PDZD2: variants seen among roughly 807,000 people sequenced by gnomAD.
PDZD2 encodes PDZ domain-containing protein 2.
Under a neutral mutation model 220.7 loss-of-function variants are expected in PDZD2, and 90 were observed. The observed-to-expected ratio is 0.41, with a 90% confidence interval of 0.34 to 0.49. PDZD2 has a LOEUF of 0.49. Among genes scored for constraint, PDZD2 ranks in the 20% least tolerant of loss-of-function variants. The pLI, the probability that PDZD2 is intolerant of heterozygous loss-of-function variation, is 0.28. For missense variants in PDZD2, 3,174 were observed against 3,608.5 expected, an observed-to-expected ratio of 0.88 and a Z score of 3.08; for synonymous variants, 1,375 against 1,450.5, an observed-to-expected ratio of 0.95 and a Z score of 1.18.
chr5:31,728,088 T>G (rs1749288705), intron 1 of PDZD2, among the ~76,000 whole-genome samples: 1 of 151,890 alleles, frequency 6.6e-6, no homozygotes, highest in Admixed American at 6.6e-5. Flanking sequence ...AGTCGAAAAT[T>G]TCTTCTCTGA....
At chr5:31,757,191 C>G (rs903946869) in intron 1 of PDZD2, among the ~76,000 whole-genome samples, 1 of 152,146 alleles carries the variant, frequency 6.6e-6, no homozygotes, top group African/African-American at 2.4e-5. Flanking sequence ...GAGGCCGAGA[C>G]AGGAGGATTG....
intron 18 of PDZD2, 80 bp downstream of exon 18, chr5:32,074,723 G>T (rs1741126398): frequency 1.1e-6 from 1 of 899,896 alleles, no homozygotes; most frequent in Non-Finnish European, 1.7e-6. Context: ...TGTAAAGCAT[G>T]GGTAAGCTGC....
Position 31,983,742 on chromosome 5 carries a change from C to G in PDZD2, c.978+86C>G, listed in dbSNP as rs543687942. ...TGCAGCCCAGCCCATGCGGGAAATA[C>G]AAGCTGGGCTCAGAACCAGAATTTT... On this transcript the variant is annotated intron_variant, in intron 3 of 24. Transcript: ENST00000438447. 1.0e-5 allele frequency: 14 copies of G among 1,340,362 alleles called. No homozygotes were observed. In the African/African-American group the frequency reaches 1.9e-4, roughly 18 times the overall value. The allele number at this position is 1,340,362 out of a possible 1,614,324, so 83.0% of individuals were successfully genotyped here. A position where few individuals can be genotyped will look rare whatever the true frequency, so the allele number is the denominator to read the frequency against.
chr5:31,845,602 G>A (rs983140398), intron 2 of PDZD2, among the ~76,000 whole-genome samples: 1 of 152,192 alleles, frequency 6.6e-6, no homozygotes, highest in African/African-American at 2.4e-5. Context: ...GCAGAGAAGT[G>A]GCAGGAAGTA....
At position 32,028,961 on chromosome 5, in the gene PDZD2, G is replaced by T. The variant is rs1262343101; in HGVS notation, c.1408-8270G>T. Among the ~76,000 whole-genome samples the T allele has an allele frequency of 2.0e-5, 3 of 152,264 alleles. No homozygotes were observed. In the East Asian group the frequency reaches 5.8e-4, roughly 29 times the overall value. On this transcript the variant is annotated intron_variant, in intron 6 of 24. Transcript: ENST00000438447. The stretch of plus-strand genomic sequence containing the variant: ...GCCTCCCAAATTGCTGGGATTGCAG[G>T]CGTGAGTCACCGCGCCCAGCCATTA...
intron 6 of PDZD2, among the ~76,000 whole-genome samples, chr5:32,035,679 T>A (rs182497708): frequency 6.6e-6 from 1 of 152,126 alleles, no homozygotes; most frequent in Admixed American, 6.5e-5. Flanking sequence ...CATTACCTGT[T>A]AATTTGAGGG....
At chr5:31,739,077 G>A (rs1750085684) in intron 1 of PDZD2, among the ~76,000 whole-genome samples, 1 of 152,032 alleles carries the variant, frequency 6.6e-6, no homozygotes, top group Non-Finnish European at 1.5e-5. Flanking sequence ...GTAGTGATGG[G>A]GTTTCACCAT....
chr5:32,032,163 G>C (rs963603255), intron 6 of PDZD2, among the ~76,000 whole-genome samples: 10 of 152,212 alleles, frequency 6.6e-5, no homozygotes, highest in Admixed American at 3.3e-4. Context: ...AGAGCAGGAA[G>C]AACTGGGAAG....
At chr5:31,817,733 G>A (rs1241483408) in intron 2 of PDZD2, among the ~76,000 whole-genome samples, 5 of 151,888 alleles carry the variant, frequency 3.3e-5, no homozygotes, top group African/African-American at 1.2e-4. Context: ...GTGCAATCTC[G>A]GCTCACTGCA....
At chr5:31,948,326 G>A (rs1020966047) in intron 2 of PDZD2, among the ~76,000 whole-genome samples, 96 of 152,274 alleles carry the variant, frequency 6.3e-4, no homozygotes, top group African/African-American at 2.1e-3. Context: ...TGCTGCTGCC[G>A]TAGATGGTGC....
At position 32,057,738 on chromosome 5, in the gene PDZD2, T is replaced by C; in HGVS notation, c.1974+10T>C. The C allele has an allele frequency of 2.0e-6, 3 of 1,534,618 alleles. No homozygotes were observed. The highest frequency in any genetic ancestry group is 2.7e-6 in the Non-Finnish European group (3 of 1,110,074). On this transcript the variant is annotated intron_variant, in intron 11 of 24. Transcript: ENST00000438447. ...CATTCATACCTTTAAGGTAACAACA[T>C]TCTTATTGATCTCCTTTATCCTATT...
chr5:31,707,831 T>G (rs1747899750), intron 1 of PDZD2, among the ~76,000 whole-genome samples: 1 of 152,212 alleles, frequency 6.6e-6, no homozygotes, highest in African/African-American at 2.4e-5. Context: ...TTTCCCTATG[T>G]TGCCCAGGCT....
intron 7 of PDZD2, among the ~76,000 whole-genome samples, chr5:32,044,326 T>A (rs574120053): frequency 2.6e-5 from 4 of 151,982 alleles, no homozygotes; most frequent in African/African-American, 7.2e-5. Context: ...CAGAACTCCG[T>A]CTTAAAAAAA....
intron 1 of PDZD2, among the ~76,000 whole-genome samples, chr5:31,774,968 C>T (rs1481726881): frequency 6.6e-6 from 1 of 152,164 alleles, no homozygotes; most frequent in East Asian, 1.9e-4. Flanking sequence ...TGTAAACACT[C>T]CCACCATGGC....
intron 1 of PDZD2, among the ~76,000 whole-genome samples, chr5:31,707,858 C>T (rs1169396206): frequency 1.3e-5 from 2 of 152,142 alleles, no homozygotes; most frequent in African/African-American, 4.8e-5. Flanking sequence ...GAACTCCTGG[C>T]CTCAAGTGAT....
At chr5:32,007,128 T>C (rs906936779) in intron 5 of PDZD2, among the ~76,000 whole-genome samples, 3 of 151,628 alleles carry the variant, frequency 2.0e-5, no homozygotes, top group African/African-American at 7.3e-5. Context: ...CTGTGTTAGC[T>C]AGGATGGTCT....
intron 6 of PDZD2, among the ~76,000 whole-genome samples, chr5:32,021,572 A>G (rs1754208310): frequency 6.6e-6 from 1 of 152,088 alleles, no homozygotes; most frequent in Non-Finnish European, 1.5e-5. Flanking sequence ...TGCTGGGATT[A>G]TAGGCATGAG....
chr5:31,982,960 T>G (rs1162385542), intron 2 of PDZD2, among the ~76,000 whole-genome samples, 195 bp from the exon 3 acceptor site: 2 of 152,214 alleles, frequency 1.3e-5, no homozygotes, highest in Non-Finnish European at 2.9e-5. Context: ...TTTGGGAGTT[T>G]GGGGGTAATT....
intron 6 of PDZD2, among the ~76,000 whole-genome samples, chr5:32,024,691 A>G (rs1754482354): frequency 9.5e-6 from 1 of 105,104 alleles, no homozygotes. Context: ...TCAAAAAAAA[A>G]AAGAAAGAAA....
Sources: allele counts gnomAD v4.1 joint callset (sites outside exome capture counted in the v4.1 genomes callset), GRCh38; gene constraint gnomAD v4.1.1; transcripts MANE v1.5; gene names NCBI Gene and HGNC (gene_info 2026-07-23, HGNC 2026-07-21).